Variants in NUMB observed in about 807,000 individuals in gnomAD.
The protein encoded by NUMB is protein numb homolog.
NUMB carries 29 observed loss-of-function variants against 59.7 expected under a neutral mutation model. That is an observed-to-expected ratio of 0.49 (90% CI 0.36 to 0.66). NUMB has a LOEUF of 0.66. NUMB is among the 30% of genes least tolerant of loss of function. The pLI is 0.00. For synonymous variants in NUMB, 288 were observed against 288.2 expected, an observed-to-expected ratio of 1.00 and a Z score of 0.01; for missense variants, 723 against 822.0, an observed-to-expected ratio of 0.88 and a Z score of 1.47.
intron 2 of NUMB, among the ~76,000 whole-genome samples, chr14:73,378,651 GA>G (rs1895086757): frequency 6.6e-6 from 1 of 152,180 alleles, no homozygotes; most frequent in African/African-American, 2.4e-5. Context: ...AAGCCAATCT[GA>G]AAAGGCTACA....
At chr14:73,335,874 C>T (rs1892282439) in intron 4 of NUMB, among the ~76,000 whole-genome samples, 1 of 152,164 alleles carries the variant, frequency 6.6e-6, no homozygotes, top group Non-Finnish European at 1.5e-5. Context: ...ACATAGTATG[C>T]AGATGCGCAC....
intron 12 of NUMB, among the ~76,000 whole-genome samples, chr14:73,278,721 CTTTTTTTTTTTTT>C (rs35813203): frequency 4.3e-4 from 25 of 58,048 alleles, no homozygotes; most frequent in East Asian, 2.1e-3. Context: ...GCCCTGGAAT[CTTTTTTTTTTTTT>C]TTTTTTTTTT....
chr14:73,387,438 C>A (rs1895600304), intron 2 of NUMB, among the ~76,000 whole-genome samples: 1 of 152,156 alleles, frequency 6.6e-6, no homozygotes, highest in South Asian at 2.1e-4. Flanking sequence ...TGAAGTGCTA[C>A]AAGGGAGTCC....
Position 73,353,085 on chromosome 14 carries a change from T to C in NUMB, c.126+2541A>G, listed in dbSNP as rs1398241283. Reference sequence around the variant, plus strand: ...ACAGTTTTTCTTGTTTTTTTTTTTTTTTTTTTTTTTTTTTTTGAGACAGAG... The same window carrying C: ...ACAGTTTTTCTTGTTTTTTTTTTTTCTTTTTTTTTTTTTTTTGAGACAGAG... On this transcript the variant is annotated intron_variant, in intron 4 of 12. Transcript: ENST00000555238. 1.9e-4 allele frequency among the ~76,000 whole-genome samples: 21 copies of C among 108,864 alleles called. 1 individual carries two copies. Among genetic ancestry groups the C allele is most frequent in the African/African-American group, 5.7e-4 (17 of 29,772 alleles). 71.4% of individuals were successfully genotyped at this position (108,864 alleles called of 152,430 possible).
intron 8 of NUMB, among the ~76,000 whole-genome samples, chr14:73,291,847 C>A (rs142663870): frequency 6.6e-6 from 1 of 151,616 alleles, no homozygotes; most frequent in Non-Finnish European, 1.5e-5. Flanking sequence ...CCACGCCCAG[C>A]TAATTTTTTT....
intron 1 of NUMB, among the ~76,000 whole-genome samples, chr14:73,411,532 T>C (rs2140134846): frequency 6.6e-6 from 1 of 152,292 alleles, no homozygotes; most frequent in African/African-American, 2.4e-5. Context: ...AAACTGTAAA[T>C]ATGTGTTTGT....
chr14:73,340,381 C>T (rs183890020), intron 4 of NUMB, among the ~76,000 whole-genome samples: 1 of 152,284 alleles, frequency 6.6e-6, no homozygotes, highest in African/African-American at 2.4e-5. Context: ...GCAAACTGCG[C>T]CATCTGGCCC....
intron 3 of NUMB, among the ~76,000 whole-genome samples, chr14:73,360,224 C>G (rs767585983): frequency 6.6e-6 from 1 of 152,166 alleles, no homozygotes; most frequent in Non-Finnish European, 1.5e-5. Context: ...ACAATAGTAT[C>G]AGAACATCAC....
chr14:73,314,898 A>G (rs1418910514), intron 6 of NUMB, among the ~76,000 whole-genome samples: 1 of 152,172 alleles, frequency 6.6e-6, no homozygotes, highest in Non-Finnish European at 1.5e-5. Context: ...AACAATTATC[A>G]ATTTCCTTAA....
At chr14:73,321,755 G>A (rs1793116740) in intron 5 of NUMB, among the ~76,000 whole-genome samples, 1 of 152,300 alleles carries the variant, frequency 6.6e-6, no homozygotes, top group Admixed American at 6.5e-5. Context: ...GCAAAGGCTT[G>A]AATCATTTAA....
At chr14:73,316,508 T>C (rs1891093483) in intron 5 of NUMB, 86 bp from the exon 6 acceptor site, 12 of 1,300,902 alleles carry the variant, frequency 9.2e-6, no homozygotes, top group South Asian at 3.7e-5. Flanking sequence ...CATACAGAAA[T>C]TGGGGAAAGG....
chr14:73,449,326 G>A (rs1411735176), intron 1 of NUMB, among the ~76,000 whole-genome samples: 2 of 151,864 alleles, frequency 1.3e-5, no homozygotes, highest in Non-Finnish European at 2.9e-5. Flanking sequence ...ATCCCCCACT[G>A]ATACCTGTAT....
chr14:73,445,325 A>G, intron 1 of NUMB, among the ~76,000 whole-genome samples: 1 of 133,354 alleles, frequency 7.5e-6, no homozygotes, highest in South Asian at 2.6e-4. Flanking sequence ...ACTGTACTGC[A>G]GCCTGAGTGA....
At chr14:73,310,197 GGAC>G (rs1890699528) in intron 6 of NUMB, among the ~76,000 whole-genome samples, 1 of 152,118 alleles carries the variant, frequency 6.6e-6, no homozygotes, top group Admixed American at 6.6e-5. Context: ...AGTGAAGCAG[GGAC>G]AACAGGGAGT....
At chr14:73,351,766 G>C (rs1377010131) in intron 4 of NUMB, among the ~76,000 whole-genome samples, 2 of 151,646 alleles carry the variant, frequency 1.3e-5, no homozygotes, top group African/African-American at 2.4e-5. Context: ...CACGAGGTCA[G>C]GAGATCGAGA....
chr14:73,396,396 G>A (rs1007411113), intron 2 of NUMB, among the ~76,000 whole-genome samples: 3 of 151,548 alleles, frequency 2.0e-5, no homozygotes, highest in African/African-American at 7.3e-5. Context: ...GGCCCGAGCT[G>A]GAGTACAGTG....
intron 1 of NUMB, among the ~76,000 whole-genome samples, chr14:73,442,213 G>GAA (rs551800592): frequency 3.7e-5 from 5 of 135,154 alleles, no homozygotes; most frequent in Non-Finnish European, 8.0e-5. Flanking sequence ...AAAAAAGAAA[G>GAA]AAAAAAAAAA....
At chr14:73,419,973 C>A (rs955508219) in intron 1 of NUMB, among the ~76,000 whole-genome samples, 1 of 152,224 alleles carries the variant, frequency 6.6e-6, no homozygotes, top group Non-Finnish European at 1.5e-5. Flanking sequence ...TCAAATGATT[C>A]TCCTGCCCCA....
rs1888115919 is a variant in NUMB at position 73,275,855 on chromosome 14, A to G, written c.*723T>C. The G allele has an allele frequency of 6.5e-6, 1 of 152,672 alleles. No homozygotes were observed. The highest frequency in any genetic ancestry group is 2.4e-5 in the African/African-American group (1 of 41,454). The allele number at this position is 152,672 out of a possible 1,614,324, so 9.5% of individuals were successfully genotyped here. A position where few individuals can be genotyped will look rare whatever the true frequency, so the allele number is the denominator to read the frequency against. Reference sequence around the variant, plus strand: ...CTTTCCTCTTTTTATTTCAGTAGGCATCAATGATAAATCAATCTTATGTAC... The same window carrying G: ...CTTTCCTCTTTTTATTTCAGTAGGCGTCAATGATAAATCAATCTTATGTAC... On this transcript the variant is annotated 3_prime_UTR_variant, in exon 13 of 13. Transcript: ENST00000555238.
Sources: allele counts gnomAD v4.1 joint callset (sites outside exome capture counted in the v4.1 genomes callset), GRCh38; gene constraint gnomAD v4.1.1; transcripts MANE v1.5; gene names NCBI Gene and HGNC (gene_info 2026-07-23, HGNC 2026-07-21).